CFDP1: variants seen among roughly 807,000 people sequenced by gnomAD.
CFDP1 encodes the protein chromatin remodeling protein CFDP1.
CFDP1 carries 31 observed loss-of-function variants against 40.1 expected under a neutral mutation model. That is an observed-to-expected ratio of 0.77 (90% confidence interval 0.58 to 1.04). The LOEUF (loss-of-function observed/expected upper bound fraction) is 1.04. CFDP1 is among the 50% of genes least tolerant of loss of function. The pLI, the probability that CFDP1 is intolerant of heterozygous loss-of-function variation, is 0.00. For synonymous variants in CFDP1, 167 were observed against 120.0 expected (o/e 1.39, Z -2.56); for missense variants, 423 against 343.4 (o/e 1.23, Z -1.83).
At chr16:75,400,260 C>A (rs1192690524) in intron 4 of CFDP1, among the ~76,000 whole-genome samples, 1 of 150,476 alleles carries the variant, frequency 6.6e-6, no homozygotes, top group Non-Finnish European at 1.5e-5. Flanking sequence ...GCCTAGGCAA[C>A]AGAGTGAGAC....
At chr16:75,322,399 T>G (rs1167225763) in intron 5 of CFDP1, among the ~76,000 whole-genome samples, 11 of 152,218 alleles carry the variant, frequency 7.2e-5, no homozygotes, top group Admixed American at 7.2e-4. Flanking sequence ...TTAGGTGATT[T>G]CATTGTTGTG....
Position 75,348,929 on chromosome 16 carries a change from C to T in CFDP1, c.651-43747G>A, listed in dbSNP as rs536128432. ...CCACCCAGGCTGGAGTATAGTGGTA[C>T]GATCACAGCTCACTGCAGCCTCAAA... is the stretch of plus-strand genomic sequence containing the variant. On this transcript the variant is annotated intron_variant, in intron 5 of 6. Transcript: ENST00000283882. Among the ~76,000 whole-genome samples the T allele has an allele frequency of 3.9e-4, 59 of 152,250 alleles. 1 individual carries two copies. In the South Asian group the frequency reaches 0.011, roughly 29 times the overall value.
chr16:75,379,479 CAA>C (rs1238427753), intron 5 of CFDP1, among the ~76,000 whole-genome samples: 2 of 152,010 alleles, frequency 1.3e-5, no homozygotes, highest in Non-Finnish European at 2.9e-5. Flanking sequence ...ACTAATTCCT[CAA>C]AAAAGACAAA....
At chr16:75,353,198 C>T (rs2078624449) in intron 5 of CFDP1, among the ~76,000 whole-genome samples, 1 of 152,156 alleles carries the variant, frequency 6.6e-6, no homozygotes, top group South Asian at 2.1e-4. Context: ...TGGATCCAAA[C>T]AAACTGTAAA....
chr16:75,405,609 A>G (rs11149829), intron 4 of CFDP1, among the ~76,000 whole-genome samples: 78,695 of 151,814 alleles, frequency 0.52, 21,442 homozygotes, highest in Admixed American at 0.64. Context: ...AAATTTAGCC[A>G]GGCATGGTGG....
intron 5 of CFDP1, among the ~76,000 whole-genome samples, chr16:75,355,821 T>A (rs1278075351): frequency 2.0e-5 from 3 of 152,210 alleles, no homozygotes; most frequent in African/African-American, 4.8e-5. Context: ...TGACTGTAAG[T>A]TTCCTGAGGC....
chr16:75,333,359 G>C (rs1024440793), intron 5 of CFDP1, among the ~76,000 whole-genome samples: 1 of 150,520 alleles, frequency 6.6e-6, no homozygotes, highest in Non-Finnish European at 1.5e-5. Flanking sequence ...TCCTCACCTC[G>C]TGATCCGCCC....
intron 1 of CFDP1, among the ~76,000 whole-genome samples, chr16:75,431,540 G>A (rs1189145895): frequency 2.0e-5 from 3 of 151,908 alleles, no homozygotes; most frequent in Non-Finnish European, 4.4e-5. Context: ...TACTTAGGAG[G>A]CTGAGGCAGA....
chr16:75,388,668 A>C (rs2078920925), intron 5 of CFDP1, among the ~76,000 whole-genome samples: 1 of 152,184 alleles, frequency 6.6e-6, no homozygotes, highest in South Asian at 2.1e-4. Context: ...AAATGAGGAG[A>C]CTGGGAGAGA....
chr16:75,431,222 C>T (rs1002415399), intron 1 of CFDP1, among the ~76,000 whole-genome samples: 2 of 151,588 alleles, frequency 1.3e-5, no homozygotes, highest in Admixed American at 6.6e-5. Flanking sequence ...GAGGCCGAGG[C>T]GGGCAGACCA....
intron 1 of CFDP1, among the ~76,000 whole-genome samples, chr16:75,416,915 TG>T (rs1357984416): frequency 1.3e-5 from 2 of 152,152 alleles, no homozygotes; most frequent in Non-Finnish European, 2.9e-5. Context: ...CAGTGTTTCA[TG>T]AAGAGAGCAG....
chr16:75,383,950 T>C (rs1258192111), intron 5 of CFDP1, among the ~76,000 whole-genome samples: 7 of 151,994 alleles, frequency 4.6e-5, no homozygotes, highest in African/African-American at 1.4e-4. Flanking sequence ...TTTGATACAA[T>C]ATGGAAACTA....
rs1187294676 is a variant in CFDP1 at position 75,412,589 on chromosome 16, G to A, written c.348C>T (p.Ser116=). The A allele has an allele frequency of 6.2e-7, 1 of 1,614,036 alleles. No homozygotes were observed. The highest frequency in any genetic ancestry group is 8.5e-7 in the Non-Finnish European group (1 of 1,180,044). Residue 116 remains serine (S), a synonymous_variant, in exon 3 of 7, where the codon AGC becomes AGT. Transcript: ENST00000283882. The stretch of plus-strand genomic sequence containing the variant: ...ATTTTGGTCCCACATCATTGAGGAA[G>A]CTGGCCCAGAGTTCGTCCTCCTTCT... ...RKKKEDELWA[S]FLNDVGPKSK...
chr16:75,377,701 C>T (rs540545910), intron 5 of CFDP1, among the ~76,000 whole-genome samples: 5 of 152,348 alleles, frequency 3.3e-5, no homozygotes, highest in African/African-American at 9.6e-5. Flanking sequence ...AGGGAAACCA[C>T]TCAGAAAGGC....
At chr16:75,353,576 C>T (rs1296306644) in intron 5 of CFDP1, among the ~76,000 whole-genome samples, 1 of 151,652 alleles carries the variant, frequency 6.6e-6, no homozygotes, top group African/African-American at 2.4e-5. Flanking sequence ...GGTGAAACCC[C>T]ATCTCTACTA....
chr16:75,385,061 G>T (rs968881672), intron 5 of CFDP1, among the ~76,000 whole-genome samples: 3 of 150,876 alleles, frequency 2.0e-5, no homozygotes, highest in Non-Finnish European at 3.0e-5. Flanking sequence ...GGTATTGCAG[G>T]TACAGAGTAA....
At chr16:75,327,867 G>A (rs951452489) in intron 5 of CFDP1, among the ~76,000 whole-genome samples, 3 of 152,070 alleles carry the variant, frequency 2.0e-5, no homozygotes, top group Non-Finnish European at 2.9e-5. Flanking sequence ...GGGATTACAG[G>A]TACCCGCCAC....
rs2078575913 is a variant in CFDP1 at position 75,347,359 on chromosome 16, A to AAAG, written c.651-42178_651-42177insCTT. Reference sequence around the variant, plus strand: ...ACTCCATCTCAAAAAAAAAAAAAAAAAAAAAGAAAAAGAAAAAGAAAAAGA... The same window carrying AAAG: ...ACTCCATCTCAAAAAAAAAAAAAAAAAAGAAAAAGAAAAAGAAAAAGAAAAAGA... On this transcript the variant is annotated intron_variant, in intron 5 of 6. Coordinates refer to ENST00000283882, the MANE Select transcript of CFDP1 (RefSeq NM_006324.3). 1.3e-4 allele frequency among the ~76,000 whole-genome samples: 7 copies of AAAG among 53,692 alleles called. 1 individual carries two copies. The highest frequency in any genetic ancestry group is 5.6e-4 in the Admixed American group (2 of 3,576). 35.2% of individuals were successfully genotyped at this position (53,692 alleles called of 152,430 possible).
At chr16:75,347,875 C>A (rs1271569532) in intron 5 of CFDP1, among the ~76,000 whole-genome samples, 1 of 152,116 alleles carries the variant, frequency 6.6e-6, no homozygotes, top group Non-Finnish European at 1.5e-5. Flanking sequence ...CATGCGAAAT[C>A]ACGAAGCAAA....
Sources: allele counts gnomAD v4.1 joint callset (sites outside exome capture counted in the v4.1 genomes callset), GRCh38; gene constraint gnomAD v4.1.1; transcripts MANE v1.5; gene names NCBI Gene and HGNC (gene_info 2026-07-23, HGNC 2026-07-21).